MCTP1: variants seen among roughly 807,000 people sequenced by gnomAD.
MCTP1 encodes multiple C2 and transmembrane domain-containing protein 1.
A neutral mutation model predicts 120.6 loss-of-function variants in MCTP1; 69 were observed. The observed-to-expected ratio is 0.57, with a 90% CI of 0.47 to 0.70. The LOEUF is 0.70. Ranked by LOEUF, MCTP1 falls within the 30% of genes least tolerant of loss-of-function variation. MCTP1 has a pLI of 0.00. For missense variants in MCTP1, 1,203 were observed against 1,248.8 expected (o/e 0.96, Z 0.55); for synonymous variants, 529 against 493.1 (o/e 1.07, Z -0.96).
intron 19 of MCTP1, among the ~76,000 whole-genome samples, chr5:94,749,150 C>T (rs1291356927): frequency 6.6e-6 from 1 of 152,118 alleles, no homozygotes; most frequent in African/African-American, 2.4e-5. Flanking sequence ...AGAATCCTCA[C>T]CAGCCTGTAA....
At chr5:95,168,175 T>C (rs1164649659) in intron 1 of MCTP1, among the ~76,000 whole-genome samples, 1 of 152,238 alleles carries the variant, frequency 6.6e-6, no homozygotes, top group Non-Finnish European at 1.5e-5. Context: ...TTTCCTGTTT[T>C]TGTCAGGTTT....
chr5:94,929,125 G>T (rs1005453077), intron 6 of MCTP1, among the ~76,000 whole-genome samples: 12 of 152,138 alleles, frequency 7.9e-5, no homozygotes, highest in African/African-American at 2.7e-4. Flanking sequence ...GGAGACAGGC[G>T]TATTTAAAAG....
intron 19 of MCTP1, among the ~76,000 whole-genome samples, chr5:94,757,920 A>T (rs1770322851): frequency 6.6e-6 from 1 of 152,202 alleles, no homozygotes; most frequent in Non-Finnish European, 1.5e-5. Context: ...GGGATATCAA[A>T]TGGTGGTCAA....
chr5:95,132,793 A>G (rs1477814831), intron 1 of MCTP1, among the ~76,000 whole-genome samples: 1 of 152,174 alleles, frequency 6.6e-6, no homozygotes, highest in Non-Finnish European at 1.5e-5. Context: ...AGCATGTATC[A>G]CTGTGCATGG....
chr5:94,799,046 T>A lies in MCTP1; in HGVS notation c.2523A>T (p.Ile841=). The change falls in exon 18 of 23, where the codon ATA becomes ATT. Residue 841 remains isoleucine (I), a synonymous_variant. Coordinates refer to ENST00000515393, the MANE Select transcript of MCTP1 (RefSeq NM_024717.7). ...LLLLTWNYFL[I]ISGKDNRQRD... is the part of the protein sequence containing the mutation. ...GTTGCCTGTTATCTTTCCCTGATAT[T>A]ATCAAGAAGTAGTTCCATGTCAATA... The A allele has an allele frequency of 6.2e-7, 1 of 1,612,046 alleles. No individual in the cohort carries two copies. The highest frequency in any genetic ancestry group is 8.5e-7 in the Non-Finnish European group (1 of 1,178,670).
At chr5:94,888,768 A>C (rs1801885198) in intron 12 of MCTP1, 111 bp downstream of exon 12, 2 of 621,214 alleles carry the variant, frequency 3.2e-6, no homozygotes, top group African/African-American at 1.8e-5. Context: ...TGAATCTTTA[A>C]ATTATTTATT....
chr5:95,117,341 A>G (rs1208089930), intron 1 of MCTP1, among the ~76,000 whole-genome samples: 1 of 150,106 alleles, frequency 6.7e-6, no homozygotes, highest in African/African-American at 2.4e-5. Context: ...CAGTGAGCCA[A>G]GATTGCGCCA....
chr5:94,982,116 C>T (rs1437965501), intron 2 of MCTP1, among the ~76,000 whole-genome samples: 2 of 152,008 alleles, frequency 1.3e-5, no homozygotes, highest in Admixed American at 6.6e-5. Flanking sequence ...ACTAGCTGGC[C>T]TGAAATATTT....
intron 1 of MCTP1, among the ~76,000 whole-genome samples, chr5:95,022,084 T>C (rs1317819261): frequency 6.6e-6 from 1 of 152,204 alleles, no homozygotes; most frequent in Non-Finnish European, 1.5e-5. Flanking sequence ...TTGTTCACTC[T>C]AATGTACAAT....
intron 19 of MCTP1, among the ~76,000 whole-genome samples, chr5:94,741,092 T>A (rs1765418909): frequency 6.6e-6 from 1 of 152,178 alleles, no homozygotes; most frequent in Non-Finnish European, 1.5e-5. Flanking sequence ...TAGCATCTCC[T>A]TCCTCCCTGG....
intron 1 of MCTP1, among the ~76,000 whole-genome samples, chr5:95,238,358 G>C (rs1755784427): frequency 6.6e-6 from 1 of 152,120 alleles, no homozygotes; most frequent in Non-Finnish European, 1.5e-5. Context: ...AAATGTAATA[G>C]AATTGCGTTT....
intron 19 of MCTP1, among the ~76,000 whole-genome samples, chr5:94,730,426 C>T (rs2152696306): frequency 6.6e-6 from 1 of 152,332 alleles, no homozygotes; most frequent in East Asian, 1.9e-4. Flanking sequence ...GCTGAGATTA[C>T]AGGCATGAGC....
At chr5:94,934,288 G>T (rs1163191410) in intron 5 of MCTP1, among the ~76,000 whole-genome samples, 1 of 151,756 alleles carries the variant, frequency 6.6e-6, no homozygotes, top group South Asian at 2.1e-4. Flanking sequence ...AAAGATAGAA[G>T]ATGAAGCAAA....
At chr5:95,231,639 G>C (rs1291322126) in intron 1 of MCTP1, among the ~76,000 whole-genome samples, 1 of 151,996 alleles carries the variant, frequency 6.6e-6, no homozygotes, top group Non-Finnish European at 1.5e-5. Flanking sequence ...TCAGATGGAA[G>C]TACAGATCTA....
chr5:95,224,049 A>G (rs963520105), intron 1 of MCTP1, among the ~76,000 whole-genome samples: 8 of 152,338 alleles, frequency 5.3e-5, no homozygotes, highest in South Asian at 2.1e-4. Context: ...TTTGGGAAAT[A>G]CAGTACAAAT....
chr5:94,888,855 TAGG>T (rs1561808105), intron 12 of MCTP1, 21 bp downstream of exon 12: 13 of 1,474,700 alleles, frequency 8.8e-6, no homozygotes, highest in Non-Finnish European at 1.2e-5. Flanking sequence ...ATCTGAGCAA[TAGG>T]AGAATTGCAT....
intron 1 of MCTP1, among the ~76,000 whole-genome samples, chr5:95,275,607 C>A (rs1251721547): frequency 6.6e-6 from 1 of 152,082 alleles, no homozygotes; most frequent in African/African-American, 2.4e-5. Context: ...CTAATATATC[C>A]AAAATGTTAT....
intron 17 of MCTP1, 50 bp downstream of exon 17, chr5:94,868,283 G>T: frequency 2.0e-6 from 3 of 1,508,854 alleles, no homozygotes; most frequent in South Asian, 1.3e-5. Flanking sequence ...ATGCAGCTAT[G>T]ATTACTGAAT....
intron 6 of MCTP1, among the ~76,000 whole-genome samples, chr5:94,928,018 TATTC>T (rs1329864339): frequency 7.2e-5 from 11 of 152,170 alleles, no homozygotes; most frequent in Admixed American, 3.9e-4. Flanking sequence ...TGTATTATAT[TATTC>T]AAAGGATGAA....
Sources: allele counts gnomAD v4.1 joint callset (sites outside exome capture counted in the v4.1 genomes callset), GRCh38; gene constraint gnomAD v4.1.1; transcripts MANE v1.5; gene names NCBI Gene and HGNC (gene_info 2026-07-23, HGNC 2026-07-21).